ZFYVE28: variants seen among roughly 807,000 people sequenced by gnomAD.
ZFYVE28 encodes zinc finger FYVE-type containing 28, also known as lateral signaling target protein 2 homolog.
In ZFYVE28, 40 loss-of-function variants were observed where a neutral mutation model predicts 82.1. The observed-to-expected ratio is 0.49, with a 90% CI of 0.38 to 0.63. The LOEUF (loss-of-function observed/expected upper bound fraction) is 0.63. Among genes scored for constraint, ZFYVE28 ranks in the 30% least tolerant of loss-of-function variants. ZFYVE28 has a pLI of 0.00. For missense variants in ZFYVE28, 1,321 were observed against 1,242.1 expected, an observed-to-expected ratio of 1.06 and a Z score of -0.96; for synonymous variants, 612 against 546.1, an observed-to-expected ratio of 1.12 and a Z score of -1.68.
intron 9 of ZFYVE28, 32 bp downstream of exon 9, chr4:2,274,030 C>T (rs1736165468): frequency 6.2e-7 from 1 of 1,610,646 alleles, no homozygotes; most frequent in South Asian, 1.1e-5. Flanking sequence ...TGTCCTCAAG[C>T]CATGCACCGG....
Position 2,416,769 on chromosome 4 carries a change from G to A in ZFYVE28, c.39+1516C>T, listed in dbSNP as rs1320949898. ...GTCGCTGCTAGGGACAGGGAGGTTG[G>A]GAGCAGGGAGTGACGCCACAGGAAC... On this transcript the variant is annotated intron_variant, in intron 1 of 12. Transcript: ENST00000290974. The surrounding 1 kb of genome is among the most constrained non-coding windows in gnomAD (Gnocchi z 4.6). 6.6e-6 allele frequency among the ~76,000 whole-genome samples: 1 copy of A among 151,700 alleles called. No homozygotes were observed. The highest frequency in any genetic ancestry group is 1.5e-5 in the Non-Finnish European group (1 of 68,020).
rs148123219 is a variant in ZFYVE28 at position 2,410,770 on chromosome 4, C to G, written c.39+7515G>C. On this transcript the variant is annotated intron_variant, in intron 1 of 12. Transcript: ENST00000290974. ...TCGACCTCCCAAAGTGCTGGGATTACAGGTGTGAGCCACCACGCCCTTTCT... is the reference window on the plus strand; with the variant it reads ...TCGACCTCCCAAAGTGCTGGGATTAGAGGTGTGAGCCACCACGCCCTTTCT... 4.4e-4 allele frequency among the ~76,000 whole-genome samples: 67 copies of G among 152,320 alleles called. 1 individual carries two copies. Among genetic ancestry groups the G allele is most frequent in the African/African-American group, 1.5e-3 (63 of 41,568 alleles).
At chr4:2,281,874 G>T (rs192770285) in intron 8 of ZFYVE28, among the ~76,000 whole-genome samples, 3 of 152,308 alleles carry the variant, frequency 2.0e-5, no homozygotes, top group Non-Finnish European at 2.9e-5. Context: ...CAAGTCTAGT[G>T]GGGGAGCCAC....
In ZFYVE28 at chr4:2,302,746, C is replaced by T. The variant is rs142444583; in HGVS notation, c.2051+1543G>A. Among the ~76,000 whole-genome samples the T allele has an allele frequency of 1.3e-3, 201 of 152,360 alleles. 1 individual carries two copies. Among genetic ancestry groups the T allele is most frequent in the Middle Eastern group, 6.8e-3 (2 of 294 alleles). On this transcript the variant is annotated intron_variant, in intron 8 of 12. Coordinates refer to ENST00000290974, the MANE Select transcript of ZFYVE28 (RefSeq NM_020972.3). Reference sequence around the variant, plus strand: ...CACTGGTGAGTGAAGAAATGAAAGACGGTCTCCCCATGCAGTGAGCGTGAT... The same window carrying T: ...CACTGGTGAGTGAAGAAATGAAAGATGGTCTCCCCATGCAGTGAGCGTGAT...
rs571041315 is a variant in ZFYVE28, at chr4:2,270,525, G to T, written c.*200C>A. The T allele has an allele frequency of 4.4e-5, 33 of 742,858 alleles. No homozygotes were observed. Among genetic ancestry groups the T allele is most frequent in the East Asian group, 4.2e-4 (15 of 35,896 alleles). 46.0% of individuals were successfully genotyped at this position (742,858 alleles called of 1,614,324 possible). A position where few individuals can be genotyped will look rare whatever the true frequency, so the allele number is the denominator to read the frequency against. On this transcript the variant is annotated 3_prime_UTR_variant, in exon 13 of 13. Coordinates refer to ENST00000290974, the MANE Select transcript of ZFYVE28 (RefSeq NM_020972.3). ...CCCTGCTGGGCAAAGCTGACCTCTTGTTGGCCCCTGCAGCCGGCCCGGGGT... is the reference window on the plus strand; with the variant it reads ...CCCTGCTGGGCAAAGCTGACCTCTTTTTGGCCCCTGCAGCCGGCCCGGGGT...
rs907601641 is a variant in ZFYVE28, at chr4:2,338,065, A to C, written c.522-569T>G. Among the ~76,000 whole-genome samples the C allele has an allele frequency of 2.0e-5, 3 of 152,226 alleles. No homozygotes were observed. The East Asian group carries it at 5.8e-4, about 29-fold the overall frequency. On this transcript the variant is annotated intron_variant, in intron 4 of 12. Transcript: ENST00000290974. ...CCCAGTGCTGCCCATGTGCGGGACC[A>C]TCCCCCACCTTGGCACCAGCCTTAA...
intron 7 of ZFYVE28, among the ~76,000 whole-genome samples, chr4:2,314,427 T>G (rs1277456565): frequency 2.6e-5 from 4 of 152,366 alleles, no homozygotes; most frequent in African/African-American, 7.2e-5. Flanking sequence ...GTTTGTATCT[T>G]TCATCTTACT....
In ZFYVE28 at chr4:2,336,144, G is replaced by A. The variant is rs1025667665; in HGVS notation, c.612-350C>T. On this transcript the variant is annotated intron_variant, in intron 5 of 12. Transcript: ENST00000290974. ...CCCAGAGGACGGCTCTGCTCAGCCA[G>A]GAGACCGAAACAACTCCGGTGTCAA... Among the ~76,000 whole-genome samples the A allele has an allele frequency of 5.3e-5, 8 of 152,256 alleles. No homozygotes were observed. The South Asian group carries it at 8.3e-4, about 16-fold the overall frequency.
intron 1 of ZFYVE28, among the ~76,000 whole-genome samples, chr4:2,355,234 A>AATGAT (rs1725091651): frequency 2.9e-5 from 1 of 34,650 alleles, no homozygotes. Flanking sequence ...ATATATATAT[A>AATGAT]TATATATATA....
intron 6 of ZFYVE28, among the ~76,000 whole-genome samples, chr4:2,323,721 G>A (rs1437312609): frequency 1.7e-5 from 2 of 120,532 alleles, no homozygotes; most frequent in Non-Finnish European, 3.2e-5. Context: ...AGTCCCCAGA[G>A]TGTGATGTTC....
At chr4:2,312,025 T>C (rs773510872) in intron 7 of ZFYVE28, among the ~76,000 whole-genome samples, 10 of 152,156 alleles carry the variant, frequency 6.6e-5, no homozygotes, top group South Asian at 4.1e-4. Flanking sequence ...AAACAGATAA[T>C]TGGAATCAAT....
chr4:2,328,849 C>A, intron 6 of ZFYVE28: 1 of 336,754 alleles, frequency 3.0e-6, no homozygotes, highest in Non-Finnish European at 5.3e-6. Flanking sequence ...ATGTGGTTAT[C>A]CAGTTGCTCC....
At chr4:2,406,922 C>A (rs999499243) in intron 1 of ZFYVE28, among the ~76,000 whole-genome samples, 1 of 152,140 alleles carries the variant, frequency 6.6e-6, no homozygotes, top group African/African-American at 2.4e-5. Flanking sequence ...TAGTGCCTAC[C>A]CTGTGGTAAT....
chr4:2,365,347 C>T (rs923249597), intron 1 of ZFYVE28, among the ~76,000 whole-genome samples: 21 of 151,042 alleles, frequency 1.4e-4, no homozygotes, highest in African/African-American at 4.8e-4. Flanking sequence ...TGGGCCCGCA[C>T]GTGCACTCAC....
intron 7 of ZFYVE28, among the ~76,000 whole-genome samples, chr4:2,312,959 C>T (rs374821321): frequency 8.4e-4 from 128 of 151,936 alleles, no homozygotes; most frequent in African/African-American, 3.0e-3. Flanking sequence ...GCACGAGAAT[C>T]GCTTGAACTC....
intron 1 of ZFYVE28, among the ~76,000 whole-genome samples, chr4:2,406,330 C>A (rs1025171068): frequency 6.6e-6 from 1 of 152,080 alleles, no homozygotes; most frequent in African/African-American, 2.4e-5. Context: ...CAAGATCGTG[C>A]CACTATACTC....
intron 8 of ZFYVE28, among the ~76,000 whole-genome samples, chr4:2,301,052 G>C (rs148066289): frequency 3.9e-5 from 6 of 152,142 alleles, no homozygotes; most frequent in African/African-American, 7.2e-5. Context: ...TTCCTGACAC[G>C]GGGCTGTTTG....
Position 2,353,992 on chromosome 4 carries a change from CCA to C in ZFYVE28, c.119_120del (p.Leu40ArgfsTer28). ...LNQVAAELDS[L>X]DGRKDPQRCT... ...CACCGCTGGGGGTCCTTCCGCCCAT[CCA>C]GGCTGTCCAGCTCCGCGGCCACCTG... is the stretch of plus-strand genomic sequence containing the variant. On this transcript the variant is annotated frameshift_variant, in exon 2 of 13. Transcript: ENST00000290974. LOFTEE classifies it high-confidence loss of function. 6.3e-7 allele frequency: 1 copy of C among 1,583,912 alleles called. No homozygotes were observed. The highest frequency in any genetic ancestry group is 8.6e-7 in the Non-Finnish European group (1 of 1,165,218).
At chr4:2,381,713 A>G (rs1728751153) in intron 1 of ZFYVE28, among the ~76,000 whole-genome samples, 1 of 152,200 alleles carries the variant, frequency 6.6e-6, no homozygotes, top group South Asian at 2.1e-4. Flanking sequence ...AGCTGTGACA[A>G]TGTGATAGAA....
Sources: allele counts gnomAD v4.1 joint callset (sites outside exome capture counted in the v4.1 genomes callset), GRCh38; gene constraint gnomAD v4.1.1; non-coding constraint Gnocchi (gnomAD v3.1); transcripts MANE v1.5; gene names NCBI Gene and HGNC (gene_info 2026-07-23, HGNC 2026-07-21).